Variants in RPS6KA5 observed in about 807,000 individuals in gnomAD.
The protein encoded by RPS6KA5 is ribosomal protein S6 kinase alpha-5.
Under a neutral mutation model 85.5 loss-of-function variants are expected in RPS6KA5, and 27 were observed. The observed-to-expected ratio is 0.32, with a 90% CI of 0.23 to 0.44. The LOEUF (loss-of-function observed/expected upper bound fraction) is 0.44. RPS6KA5 is among the 20% of genes least tolerant of loss of function. RPS6KA5 has a pLI of 1.00. For synonymous variants in RPS6KA5, 334 were observed against 348.2 expected (o/e 0.96, Z 0.46); for missense variants, 811 against 980.9 (o/e 0.83, Z 2.31).
chr14:90,875,285 T>C lies in RPS6KA5; in HGVS notation c.1912A>G (p.Met638Val), dbSNP rs1293188530. Residue 638 changes from methionine to valine, a missense_variant, in exon 15 of 17, where the codon ATG becomes GTG. Transcript: ENST00000614987. ...AAATCTCCCTTTTTAATTTTCTTCA[T>C]GATTTCCACCGCGCTGGTACACGTC... The part of the protein sequence containing the change: ...SLTCTSAVEI[M>V]KKIKKGDFSF... 6.2e-7 allele frequency: 1 copy of C among 1,614,030 alleles called. No homozygotes were observed. The highest frequency in any genetic ancestry group is 8.5e-7 in the Non-Finnish European group (1 of 1,179,900).
At chr14:90,926,650 T>C (rs765154356) in intron 5 of RPS6KA5, among the ~76,000 whole-genome samples, 12 of 136,780 alleles carry the variant, frequency 8.8e-5, no homozygotes, top group Non-Finnish European at 1.7e-4. Flanking sequence ...TATGTGTATA[T>C]ATATATATAT....
At chr14:90,938,810 A>AT (rs1200867210) in intron 5 of RPS6KA5, among the ~76,000 whole-genome samples, 1 of 151,834 alleles carries the variant, frequency 6.6e-6, no homozygotes, top group Non-Finnish European at 1.5e-5. Context: ...CCAGAAAACC[A>AT]TTTTTTCCTC....
chr14:91,052,325 G>C (rs1432209401), intron 1 of RPS6KA5: 4 of 389,498 alleles, frequency 1.0e-5, no homozygotes, highest in South Asian at 5.6e-5. Flanking sequence ...AAAATTACCT[G>C]GGTATGGTAG....
intron 2 of RPS6KA5, among the ~76,000 whole-genome samples, chr14:91,000,745 T>C (rs1322837032): frequency 1.3e-5 from 2 of 152,024 alleles, no homozygotes; most frequent in African/African-American, 4.8e-5. Flanking sequence ...GAGGTTGCAG[T>C]GAGCTGAGAT....
chr14:90,875,736 G>A (rs896965715), intron 14 of RPS6KA5, among the ~76,000 whole-genome samples: 10 of 151,920 alleles, frequency 6.6e-5, no homozygotes, highest in South Asian at 2.1e-4. Context: ...AAAATGATGA[G>A]TTCATGTCCT....
chr14:90,985,026 C>T (rs1450295637), intron 2 of RPS6KA5, among the ~76,000 whole-genome samples: 1 of 152,120 alleles, frequency 6.6e-6, no homozygotes, highest in African/African-American at 2.4e-5. Context: ...CCACAACCTC[C>T]ACCTTCTGGG....
At chr14:90,969,592 G>T (rs1416523098) in intron 3 of RPS6KA5, among the ~76,000 whole-genome samples, 2 of 152,208 alleles carry the variant, frequency 1.3e-5, no homozygotes, top group Non-Finnish European at 2.9e-5. Context: ...AAGTCAGCTT[G>T]TAGGAGGGGA....
chr14:91,019,410 A>G (rs1471973353), intron 1 of RPS6KA5, among the ~76,000 whole-genome samples: 1 of 152,194 alleles, frequency 6.6e-6, no homozygotes, highest in Non-Finnish European at 1.5e-5. Context: ...AGAATTCTTC[A>G]GCACAGTCTT....
At position 90,939,112 on chromosome 14, in the gene RPS6KA5, T is replaced by C. The variant is rs1227673573; in HGVS notation, c.618+3966A>G. The stretch of plus-strand genomic sequence containing the variant: ...CTGCTTAGTAATTTCTTCTGCCAGA[T>C]ACCCTAAATCACCTCTCTCAAGTTC... On this transcript the variant is annotated intron_variant, in intron 5 of 16. Coordinates refer to ENST00000614987, the MANE Select transcript of RPS6KA5 (RefSeq NM_004755.4). Among the ~76,000 whole-genome samples the C allele has an allele frequency of 2.0e-5, 3 of 152,234 alleles. No individual in the cohort carries two copies. In the East Asian group the frequency reaches 5.8e-4, roughly 29 times the overall value.
rs1229230415 is a variant in RPS6KA5 at position 90,851,492 on chromosome 14, G to C, written c.*20582C>G. On this transcript the variant is annotated 3_prime_UTR_variant, in exon 17 of 17. Transcript: ENST00000614987. Reference sequence around the variant, plus strand: ...ATGCTGGTGAGACAGGGAGGCACAGGTTAACCCCATTTTACAGATGAAGAA... The same window carrying C: ...ATGCTGGTGAGACAGGGAGGCACAGCTTAACCCCATTTTACAGATGAAGAA... The C allele has an allele frequency of 6.6e-6, 1 of 152,140 alleles. No homozygotes were observed. Among genetic ancestry groups the C allele is most frequent in the Non-Finnish European group, 1.5e-5 (1 of 68,034 alleles). 9.4% of individuals were successfully genotyped at this position (152,140 alleles called of 1,614,324 possible).
intron 5 of RPS6KA5, 31 bp from the exon 6 acceptor site, chr14:90,923,227 T>G (rs1420816720): frequency 6.5e-6 from 10 of 1,530,158 alleles, no homozygotes; most frequent in Non-Finnish European, 9.0e-6. Context: ...AGGGATTTGA[T>G]TTCAAGCTAG....
chr14:90,857,177 T>C lies in RPS6KA5; in HGVS notation c.*14897A>G, dbSNP rs2032326066. The C allele has an allele frequency of 6.6e-6, 1 of 152,140 alleles. No individual in the cohort carries two copies. Among genetic ancestry groups the C allele is most frequent in the South Asian group, 2.1e-4 (1 of 4,830 alleles). The allele number at this position is 152,140 out of a possible 1,614,324, so 9.4% of individuals were successfully genotyped here. On this transcript the variant is annotated 3_prime_UTR_variant, in exon 17 of 17. Coordinates refer to ENST00000614987, the MANE Select transcript of RPS6KA5 (RefSeq NM_004755.4). ...GTCTTTGTAATAAAAAAAAATCCAC[T>C]GGATAAAGTTTCAAAAGTGGGAAAG...
At chr14:90,942,435 A>G (rs948256215) in intron 5 of RPS6KA5, among the ~76,000 whole-genome samples, 2 of 152,264 alleles carry the variant, frequency 1.3e-5, no homozygotes, top group African/African-American at 4.8e-5. Flanking sequence ...AACTTCTATT[A>G]CAACCATTAC....
intron 12 of RPS6KA5, among the ~76,000 whole-genome samples, chr14:90,894,890 A>T (rs1403836013): frequency 2.6e-5 from 4 of 152,168 alleles, no homozygotes; most frequent in Non-Finnish European, 5.9e-5. Flanking sequence ...TCTAAAAAGA[A>T]ATCTGCCCTT....
intron 3 of RPS6KA5, among the ~76,000 whole-genome samples, chr14:90,950,076 T>C (rs1008522476): frequency 6.6e-6 from 1 of 152,228 alleles, no homozygotes; most frequent in African/African-American, 2.4e-5. Context: ...ACATGGGGGA[T>C]GGCTTTCCAT....
At chr14:91,046,617 C>T (rs1595551806) in intron 1 of RPS6KA5, among the ~76,000 whole-genome samples, 1 of 152,080 alleles carries the variant, frequency 6.6e-6, no homozygotes, top group South Asian at 2.1e-4. Flanking sequence ...GATTAGAGGA[C>T]AGAGTGCTTC....
At chr14:91,008,710 A>G (rs537163056) in intron 1 of RPS6KA5, among the ~76,000 whole-genome samples, 1 of 152,364 alleles carries the variant, frequency 6.6e-6, no homozygotes, top group South Asian at 2.1e-4. Context: ...TGAGAAAAAC[A>G]TAACATAAAA....
chr14:91,027,590 T>C (rs1262875308), intron 1 of RPS6KA5, among the ~76,000 whole-genome samples: 1 of 152,216 alleles, frequency 6.6e-6, no homozygotes, highest in Non-Finnish European at 1.5e-5. Flanking sequence ...CTACATTATA[T>C]TACAGTAACA....
At position 90,946,792 on chromosome 14, in the gene RPS6KA5, T is replaced by C. The variant is rs186241589; in HGVS notation, c.510+643A>G. Among the ~76,000 whole-genome samples the C allele has an allele frequency of 2.1e-3, 318 of 152,184 alleles. 1 individual carries two copies. Among genetic ancestry groups the C allele is most frequent in the African/African-American group, 7.2e-3 (297 of 41,502 alleles). ...TCATTAAGTAAAACAAAAAACCGAG[T>C]GAAAATTTCTTGGCTCAAGATTAAT... On this transcript the variant is annotated intron_variant, in intron 4 of 16. Coordinates refer to ENST00000614987, the MANE Select transcript of RPS6KA5 (RefSeq NM_004755.4).
Sources: gnomAD v4.1 joint callset for allele counts (sites outside exome capture counted in the v4.1 genomes callset) on GRCh38, gnomAD v4.1.1 for gene constraint, MANE v1.5 for transcripts, NCBI Gene and HGNC (gene_info 2026-07-23, HGNC 2026-07-21) for gene names.